Variants in SEC24A observed in about 807,000 individuals in gnomAD.
SEC24A encodes the protein SEC24 homolog A, COPII component, also known as protein transport protein Sec24A.
SEC24A carries 93 observed loss-of-function variants against 129.4 expected under a neutral mutation model. The ratio of observed to expected loss-of-function variants is 0.72; its 90% confidence interval spans 0.61 to 0.85. The LOEUF is 0.85. Among genes scored for constraint, SEC24A ranks in the 40% least tolerant of loss-of-function variants. SEC24A has a pLI of 0.00. For synonymous variants in SEC24A, 460 were observed against 467.3 expected (o/e 0.98, Z 0.20); for missense variants, 1,264 against 1,307.4 (o/e 0.97, Z 0.51).
intron 20 of SEC24A, among the ~76,000 whole-genome samples, chr5:134,719,096 A>C (rs1157779141): frequency 6.6e-6 from 1 of 152,154 alleles, no homozygotes; most frequent in Non-Finnish European, 1.5e-5. Context: ...AATTAAAATA[A>C]TTTGTCCGGG....
chr5:134,711,900 A>G (rs1017585543), intron 18 of SEC24A, among the ~76,000 whole-genome samples: 31 of 151,348 alleles, frequency 2.0e-4, no homozygotes, highest in African/African-American at 7.1e-4. Context: ...GGCGCCCACT[A>G]CCACGCCCGG....
chr5:134,659,962 C>T (rs903079272), intron 1 of SEC24A, among the ~76,000 whole-genome samples: 11 of 152,038 alleles, frequency 7.2e-5, no homozygotes, highest in African/African-American at 2.4e-4. Flanking sequence ...ATGTTTTCAT[C>T]TTTATTGGCC....
intron 1 of SEC24A, among the ~76,000 whole-genome samples, chr5:134,657,875 CA>C (rs1750301155): frequency 6.6e-6 from 1 of 152,230 alleles, no homozygotes; most frequent in Non-Finnish European, 1.5e-5. Context: ...ACATGCCTGG[CA>C]AAAATTATTT....
At chr5:134,691,654 C>T (rs926148619) in intron 11 of SEC24A, among the ~76,000 whole-genome samples, 1 of 151,888 alleles carries the variant, frequency 6.6e-6, no homozygotes, top group African/African-American at 2.4e-5. Flanking sequence ...AGGTGCCCAC[C>T]ACCACGCCTG....
At position 134,682,420 on chromosome 5, in the gene SEC24A, C is replaced by T. The variant is rs773666145; in HGVS notation, c.1429C>T (p.Pro477Ser). 18 of 1,609,536 alleles carry T rather than the reference C, an allele frequency of 1.1e-5. No homozygotes were observed. The highest frequency in any genetic ancestry group is 1.4e-5 in the Non-Finnish European group (17 of 1,176,048). Residue 477 changes from proline (P) to serine (S), a missense_variant, in exon 9 of 23, where the codon CCT becomes TCT. Physicochemically the swap from Pro to Ser is moderately conservative, Grantham distance 74 (BLOSUM62 -1). Transcript: ENST00000398844. The part of the protein sequence containing the change: ...YNPLTRVYGE[P>S]HRRPEVQNAT... ...CCCTTTGACCAGAGTTTATGGAGAA[C>T]CTCACAGAAGACCAGAAGTTCAAAA...
intron 18 of SEC24A, among the ~76,000 whole-genome samples, chr5:134,711,693 G>T (rs1159150075): frequency 6.6e-6 from 1 of 151,002 alleles, no homozygotes; most frequent in Non-Finnish European, 1.5e-5. Context: ...ACCACGCCTG[G>T]CTAATTTTTG....
intron 12 of SEC24A, 63 bp downstream of exon 12, chr5:134,692,720 TG>T: frequency 2.0e-6 from 2 of 1,012,058 alleles, no homozygotes; most frequent in Non-Finnish European, 3.1e-6. Context: ...GTTTTTGAAA[TG>T]AACTTTAAGT....
In SEC24A at chr5:134,666,902, T is replaced by G; in HGVS notation, c.645T>G (p.Ala215=). 6.2e-7 allele frequency: 1 copy of G among 1,613,628 alleles called. No homozygotes were observed. The highest frequency in any genetic ancestry group is 8.5e-7 in the Non-Finnish European group (1 of 1,179,616). The change falls in exon 3 of 23, where the codon GCT becomes GCG. Residue 215 remains alanine (A), a synonymous_variant. Transcript: ENST00000398844. ...QPGAPHGPPP[A]GGPPPVRALT... is the part of the protein sequence containing the mutation. ...GAGCTCCTCATGGGCCCCCTCCAGC[T>G]GGAGGCCCACCCCCAGTGAGGGCCC...
intron 1 of SEC24A, among the ~76,000 whole-genome samples, chr5:134,649,809 A>G (rs1203349919): frequency 1.3e-5 from 2 of 152,240 alleles, no homozygotes; most frequent in South Asian, 2.1e-4. Context: ...ACAAGAGTCT[A>G]CATGTACATT....
Position 134,715,111 on chromosome 5 carries a change from A to G in SEC24A, c.2815A>G (p.Met939Val). The stretch of plus-strand genomic sequence containing the variant: ...GAAAAACCAGCCCTTGGTTTACCTT[A>G]TGCTCACAACTCATCCCAGTTTGTA... ...QVKNQPLVYL[M>V]LTTHPSLYRV... The change falls in exon 19 of 23, where the codon ATG (methionine) becomes GTG (valine). Residue 939 changes from methionine (M) to valine (V), a missense_variant. By Grantham distance (21) the Met-to-Val change is conservative (BLOSUM62 1). Transcript: ENST00000398844. 2.5e-6 allele frequency: 4 copies of G among 1,611,654 alleles called. No individual in the cohort carries two copies. In the South Asian group the frequency reaches 4.4e-5, roughly 18 times the overall value.
At chr5:134,668,518 G>A (rs541929985) in intron 3 of SEC24A, among the ~76,000 whole-genome samples, 1 of 152,306 alleles carries the variant, frequency 6.6e-6, no homozygotes, top group Admixed American at 6.5e-5. Context: ...CTAAGGTCAG[G>A]AGTTCCAGAC....
intron 16 of SEC24A, 59 bp from the exon 17 acceptor site, chr5:134,705,268 A>T: frequency 1.5e-6 from 2 of 1,334,776 alleles, no homozygotes; most frequent in Non-Finnish European, 2.2e-6. Flanking sequence ...AGTGACTTTA[A>T]CATAATCTTT....
chr5:134,672,018 T>A, intron 4 of SEC24A, 132 bp downstream of exon 4: 1 of 527,926 alleles, frequency 1.9e-6, no homozygotes, highest in Non-Finnish European at 3.3e-6. Context: ...ACTATTAACT[T>A]ATTTATTTAT....
At chr5:134,719,712 G>A (rs578184823) in intron 20 of SEC24A, among the ~76,000 whole-genome samples, 1 of 151,596 alleles carries the variant, frequency 6.6e-6, no homozygotes, top group Non-Finnish European at 1.5e-5. Flanking sequence ...GAGACTGGGC[G>A]CAGTAGCCCA....
In SEC24A at chr5:134,707,665, GATT is replaced by G. The variant is rs764523223; in HGVS notation, c.2552-1035_2552-1033del. On this transcript the variant is annotated intron_variant, in intron 17 of 22. Transcript: ENST00000398844. Reference sequence around the variant, plus strand: ...TTAAGTTACTTTTTTTTGTAACTATGATTATTATTATTATTGACAGCAGTAACT... The same window carrying G: ...TTAAGTTACTTTTTTTTGTAACTATGATTATTATTATTGACAGCAGTAACT... Among the ~76,000 whole-genome samples the G allele has an allele frequency of 1.6e-4, 24 of 152,050 alleles. No individual in the cohort carries two copies. The East Asian group carries it at 3.9e-3, about 24-fold the overall frequency.
intron 3 of SEC24A, 68 bp downstream of exon 3, chr5:134,667,064 T>C: frequency 1.5e-6 from 2 of 1,303,094 alleles, no homozygotes; most frequent in Non-Finnish European, 2.1e-6. Context: ...GAATATTAGC[T>C]GAATTCTGTG....
At chr5:134,722,281 G>T (rs1374595771) in intron 21 of SEC24A, among the ~76,000 whole-genome samples, 2 of 151,700 alleles carry the variant, frequency 1.3e-5, no homozygotes, top group African/African-American at 4.9e-5. Context: ...ACCTGAGGTC[G>T]GGAGTTCAAG....
chr5:134,682,331 C>A (rs866716582), intron 8 of SEC24A, 42 bp from the exon 9 acceptor site: 8 of 1,030,960 alleles, frequency 7.8e-6, no homozygotes, highest in South Asian at 1.4e-5. Flanking sequence ...ACATTAAATT[C>A]TTTTCAGTTT....
At chr5:134,714,223 G>A (rs1752413788) in intron 18 of SEC24A, among the ~76,000 whole-genome samples, 1 of 152,012 alleles carries the variant, frequency 6.6e-6, no homozygotes, top group African/African-American at 2.4e-5. Context: ...TATGGTGGGA[G>A]AATCAATGAC....
Sources: allele counts gnomAD v4.1 joint callset (sites outside exome capture counted in the v4.1 genomes callset), GRCh38; gene constraint gnomAD v4.1.1; transcripts MANE v1.5; gene names NCBI Gene and HGNC (gene_info 2026-07-23, HGNC 2026-07-21).